MTUS2: variants seen among roughly 807,000 people sequenced by gnomAD.
MTUS2 encodes the protein microtubule associated scaffold protein 2.
Under a neutral mutation model 114.1 loss-of-function variants are expected in MTUS2, and 40 were observed. The ratio of observed to expected loss-of-function variants is 0.35; its 90% CI spans 0.27 to 0.46. MTUS2 has a LOEUF of 0.46. Ranked by LOEUF, MTUS2 falls within the 20% of genes least tolerant of loss-of-function variation. MTUS2 has a pLI of 1.00. For synonymous variants in MTUS2, 688 were observed against 672.0 expected (o/e 1.02, Z -0.37); for missense variants, 1,679 against 1,705.4 (o/e 0.98, Z 0.27).
intron 2 of MTUS2, among the ~76,000 whole-genome samples, chr13:29,014,696 C>T (rs1017560761): frequency 3.9e-5 from 6 of 152,120 alleles, no homozygotes; most frequent in East Asian, 1.9e-4. Context: ...AGAGCTGTGT[C>T]GACAGCAAGG....
At chr13:29,244,176 G>T (rs1221116784) in intron 5 of MTUS2, among the ~76,000 whole-genome samples, 1 of 152,184 alleles carries the variant, frequency 6.6e-6, no homozygotes, top group Non-Finnish European at 1.5e-5. Flanking sequence ...GGAGTAGGGT[G>T]GGGAGTTGAA....
chr13:29,502,206 T>C (rs1343968358), intron 15 of MTUS2, among the ~76,000 whole-genome samples: 2 of 152,238 alleles, frequency 1.3e-5, no homozygotes, highest in African/African-American at 4.8e-5. Context: ...GTGCAGACTT[T>C]ATCCAACAGA....
intron 5 of MTUS2, among the ~76,000 whole-genome samples, chr13:29,225,230 T>C (rs1350135226): frequency 6.6e-6 from 1 of 152,214 alleles, no homozygotes; most frequent in Non-Finnish European, 1.5e-5. Flanking sequence ...CCAATTCTGA[T>C]TCTCAACTCT....
intron 7 of MTUS2, among the ~76,000 whole-genome samples, chr13:29,347,566 C>G (rs1278300842): frequency 6.6e-6 from 1 of 152,030 alleles, no homozygotes; most frequent in Middle Eastern, 3.2e-3. Context: ...CACAGCACCT[C>G]TGACACGACA....
intron 6 of MTUS2, among the ~76,000 whole-genome samples, chr13:29,316,994 A>G (rs1900017710): frequency 6.6e-6 from 1 of 151,930 alleles, no homozygotes; most frequent in Admixed American, 6.6e-5. Flanking sequence ...CTTGGGGGGG[A>G]ATTTACAAAG....
intron 7 of MTUS2, among the ~76,000 whole-genome samples, chr13:29,352,722 T>C (rs984228023): frequency 6.6e-6 from 1 of 152,254 alleles, no homozygotes; most frequent in Non-Finnish European, 1.5e-5. Flanking sequence ...GTTGTATGGA[T>C]ATAAAACAAT....
At chr13:29,464,489 T>C (rs145475044) in intron 9 of MTUS2, among the ~76,000 whole-genome samples, 2 of 152,302 alleles carry the variant, frequency 1.3e-5, no homozygotes, top group Non-Finnish European at 2.9e-5. Context: ...TGCTCTGTTT[T>C]TAAGCAGCCT....
chr13:29,395,546 C>T (rs1873849682), intron 8 of MTUS2, among the ~76,000 whole-genome samples: 4 of 152,142 alleles, frequency 2.6e-5, no homozygotes, highest in Admixed American at 2.6e-4. Flanking sequence ...GGTAGGGTCT[C>T]CTCACTCAAA....
At chr13:29,001,150 A>G (rs1386061215) in intron 2 of MTUS2, among the ~76,000 whole-genome samples, 1 of 152,144 alleles carries the variant, frequency 6.6e-6, no homozygotes, top group Non-Finnish European at 1.5e-5. Context: ...TTTTGCTGGG[A>G]TGCTTCTCAT....
chr13:28,959,959 T>C (rs1426230844), intron 2 of MTUS2, among the ~76,000 whole-genome samples: 2 of 152,144 alleles, frequency 1.3e-5, no homozygotes, highest in African/African-American at 2.4e-5. Flanking sequence ...TAACATAATA[T>C]GCAAAATGTC....
intron 8 of MTUS2, among the ~76,000 whole-genome samples, chr13:29,360,434 G>A (rs1019489402): frequency 1.3e-5 from 2 of 152,122 alleles, no homozygotes; most frequent in Admixed American, 6.5e-5. Context: ...AGCCTGAGCT[G>A]CTCTTTTTTG....
chr13:29,480,867 A>G lies in MTUS2; in HGVS notation c.3399+503A>G, dbSNP rs1280427109. Among the ~76,000 whole-genome samples, 1 of 152,190 alleles carries G rather than the reference A, an allele frequency of 6.6e-6. No individual in the cohort carries two copies. The highest frequency in any genetic ancestry group is 1.5e-5 in the Non-Finnish European group (1 of 68,034). On this transcript the variant is annotated intron_variant, in intron 10 of 15. Coordinates refer to ENST00000612955, the MANE Select transcript of MTUS2 (RefSeq NM_001033602.4). The surrounding 1 kb of genome is among the most constrained non-coding windows in gnomAD (Gnocchi z 4.4). The stretch of plus-strand genomic sequence containing the variant: ...ATGTAGCACTCGTCCTACACCAGAC[A>G]CTGCTCTAAGCTCTTTACAGGAACT...
intron 5 of MTUS2, among the ~76,000 whole-genome samples, chr13:29,138,891 T>G (rs1327771736): frequency 1.3e-5 from 2 of 152,174 alleles, no homozygotes; most frequent in Non-Finnish European, 2.9e-5. Flanking sequence ...TAATAAGGTA[T>G]TATTATAGTA....
At chr13:29,356,749 A>G (rs1869774077) in intron 7 of MTUS2, among the ~76,000 whole-genome samples, 1 of 152,250 alleles carries the variant, frequency 6.6e-6, no homozygotes, top group Non-Finnish European at 1.5e-5. Flanking sequence ...GACCCTTTTC[A>G]ACTTAAAGCA....
intron 5 of MTUS2, among the ~76,000 whole-genome samples, chr13:29,252,217 T>G (rs975058850): frequency 6.6e-6 from 1 of 152,190 alleles, no homozygotes; most frequent in Non-Finnish European, 1.5e-5. Flanking sequence ...TAATTACTAT[T>G]AAGTAATCCC....
At chr13:29,225,983 A>G (rs1297454317) in intron 5 of MTUS2, among the ~76,000 whole-genome samples, 1 of 152,158 alleles carries the variant, frequency 6.6e-6, no homozygotes, top group Non-Finnish European at 1.5e-5. Context: ...CCTGGAATTG[A>G]TATGTCCTTT....
intron 5 of MTUS2, among the ~76,000 whole-genome samples, chr13:29,216,403 T>G (rs1322589398): frequency 6.6e-6 from 1 of 152,174 alleles, no homozygotes; most frequent in Non-Finnish European, 1.5e-5. Context: ...TTGCTGGGGT[T>G]CCAGGTGCCA....
intron 5 of MTUS2, among the ~76,000 whole-genome samples, chr13:29,117,593 C>T (rs1055585959): frequency 3.3e-5 from 5 of 152,216 alleles, no homozygotes; most frequent in Admixed American, 1.3e-4. Flanking sequence ...CATGTACACA[C>T]TCCCCACCTC....
At chr13:29,212,909 G>A (rs569678006) in intron 5 of MTUS2, among the ~76,000 whole-genome samples, 29 of 152,270 alleles carry the variant, frequency 1.9e-4, no homozygotes, top group African/African-American at 5.8e-4. Flanking sequence ...AGAGGAAGGG[G>A]AGAGAGGGAG....
Sources: allele counts gnomAD v4.1 joint callset (sites outside exome capture counted in the v4.1 genomes callset), GRCh38; gene constraint gnomAD v4.1.1; non-coding constraint Gnocchi (gnomAD v3.1); transcripts MANE v1.5; gene names NCBI Gene and HGNC (gene_info 2026-07-23, HGNC 2026-07-21).